The following KCNC2 variants were observed in gnomAD, a reference collection of about 807,000 sequenced individuals.
KCNC2 encodes the protein potassium voltage-gated channel subfamily C member 2.
In KCNC2, 21 loss-of-function variants were observed where a neutral mutation model predicts 44.5. The ratio of observed to expected loss-of-function variants is 0.47; its 90% confidence interval spans 0.33 to 0.68. KCNC2 has a LOEUF of 0.68. KCNC2 is among the 30% of genes least tolerant of loss of function. KCNC2 has a pLI of 0.01. For synonymous variants in KCNC2, 391 were observed against 339.1 expected (o/e 1.15, Z -1.68); for missense variants, 589 against 826.2 (o/e 0.71, Z 3.52).
intron 2 of KCNC2, among the ~76,000 whole-genome samples, chr12:75,196,155 T>A (rs183483444): frequency 1.5e-4 from 23 of 152,272 alleles, no homozygotes; most frequent in African/African-American, 5.1e-4. Flanking sequence ...TGCACTATCA[T>A]CATCCTTTGG....
At chr12:75,050,176 T>G (rs1187618919) in intron 3 of KCNC2, among the ~76,000 whole-genome samples, 1 of 151,738 alleles carries the variant, frequency 6.6e-6, no homozygotes, top group African/African-American at 2.4e-5. Context: ...GCAGGAAAAC[T>G]CTATAGACCA....
At chr12:75,160,133 G>T (rs74652569) in intron 2 of KCNC2, among the ~76,000 whole-genome samples, 3 of 151,736 alleles carry the variant, frequency 2.0e-5, no homozygotes, top group African/African-American at 7.3e-5. Context: ...AGGTAATTAA[G>T]TTCAAACAGA....
chr12:75,161,674 C>G (rs1015833576), intron 2 of KCNC2, among the ~76,000 whole-genome samples: 1 of 151,678 alleles, frequency 6.6e-6, no homozygotes, highest in African/African-American at 2.4e-5. Context: ...TTGGCCACTG[C>G]CCATTTATAG....
At chr12:75,121,034 A>G (rs1284892349) in intron 2 of KCNC2, among the ~76,000 whole-genome samples, 3 of 152,160 alleles carry the variant, frequency 2.0e-5, no homozygotes, top group African/African-American at 4.8e-5. Context: ...CTCTCTCTGG[A>G]CCACGGTATC....
chr12:75,153,908 G>T (rs540897239), intron 2 of KCNC2, among the ~76,000 whole-genome samples: 25 of 151,990 alleles, frequency 1.6e-4, no homozygotes, highest in African/African-American at 6.0e-4. Context: ...GGTTGGTCTT[G>T]TCTCAGGGAT....
At chr12:75,043,844 GA>G (rs1880190942) in intron 4 of KCNC2, 2 of 1,136,940 alleles carry the variant, frequency 1.8e-6, no homozygotes, top group South Asian at 3.2e-5. Flanking sequence ...GAAAAAAAAA[GA>G]AAATGAATGA....
intron 2 of KCNC2, among the ~76,000 whole-genome samples, chr12:75,107,024 G>T (rs1886839623): frequency 6.6e-6 from 1 of 151,924 alleles, no homozygotes; most frequent in Non-Finnish European, 1.5e-5. Context: ...TATCATGGGG[G>T]CTGGGCGTGG....
At chr12:75,112,263 A>G (rs1887315267) in intron 2 of KCNC2, among the ~76,000 whole-genome samples, 1 of 151,670 alleles carries the variant, frequency 6.6e-6, no homozygotes. Context: ...CAACTATTAA[A>G]TATAAAGAAA....
chr12:75,120,883 G>A (rs1420172635), intron 2 of KCNC2, among the ~76,000 whole-genome samples: 1 of 152,120 alleles, frequency 6.6e-6, no homozygotes, highest in Non-Finnish European at 1.5e-5. Context: ...TGAGAGCTCT[G>A]AGTATGAATC....
chr12:75,151,603 T>C (rs1276873671), intron 2 of KCNC2, among the ~76,000 whole-genome samples: 2 of 151,790 alleles, frequency 1.3e-5, no homozygotes, highest in Non-Finnish European at 2.9e-5. Flanking sequence ...GTGATTGGCA[T>C]GTAAGTGTGT....
Position 75,086,660 on chromosome 12 carries a change from C to CAAA in KCNC2, c.688-35346_688-35344dup, listed in dbSNP as rs751242858. 7.7e-5 allele frequency among the ~76,000 whole-genome samples: 9 copies of CAAA among 116,992 alleles called. No individual in the cohort carries two copies. In the East Asian group the frequency reaches 1.5e-3, roughly 20 times the overall value. 76.8% of individuals were successfully genotyped at this position (116,992 alleles called of 152,430 possible). ...TCCCATAAAAAGCAAGTTCATTTGG[C>CAAA]AAAAAAAAAAAAAAAAAAAAAATAT... On this transcript the variant is annotated intron_variant, in intron 2 of 4. Coordinates refer to ENST00000549446, the MANE Select transcript of KCNC2 (RefSeq NM_139137.4).
chr12:75,162,734 T>C (rs1161590768), intron 2 of KCNC2, among the ~76,000 whole-genome samples: 4 of 151,726 alleles, frequency 2.6e-5, no homozygotes, highest in Non-Finnish European at 5.9e-5. Context: ...CAAAAAAACC[T>C]CTATTTTTCC....
At chr12:75,191,067 G>C (rs1593065337) in intron 2 of KCNC2, among the ~76,000 whole-genome samples, 1 of 152,070 alleles carries the variant, frequency 6.6e-6, no homozygotes, top group Non-Finnish European at 1.5e-5. Flanking sequence ...ACTAATTAAA[G>C]TGTAATGGAC....
At chr12:75,108,961 A>C (rs1043516268) in intron 2 of KCNC2, among the ~76,000 whole-genome samples, 5 of 152,210 alleles carry the variant, frequency 3.3e-5, no homozygotes, top group African/African-American at 1.2e-4. Flanking sequence ...GCTCAGGGTA[A>C]GTTGAAAAGT....
chr12:75,111,300 A>C (rs1284332742), intron 2 of KCNC2, among the ~76,000 whole-genome samples: 3 of 152,112 alleles, frequency 2.0e-5, no homozygotes, highest in Non-Finnish European at 4.4e-5. Context: ...TTTTGATTTC[A>C]GACATTAAGT....
chr12:75,137,307 A>C (rs1177777503), intron 2 of KCNC2, among the ~76,000 whole-genome samples: 1 of 152,110 alleles, frequency 6.6e-6, no homozygotes, highest in Non-Finnish European at 1.5e-5. Context: ...CATATAATTT[A>C]CTGGTTTTAA....
At position 75,114,856 on chromosome 12, in the gene KCNC2, C is replaced by CTTT. The variant is rs754820554; in HGVS notation, c.688-63542_688-63540dup. Among the ~76,000 whole-genome samples the CTTT allele has an allele frequency of 8.1e-5, 7 of 86,560 alleles. 1 individual carries two copies. The highest frequency in any genetic ancestry group is 4.6e-4 in the South Asian group (1 of 2,192). The allele number at this position is 86,560 out of a possible 152,430, so 56.8% of individuals were successfully genotyped here. ...AGCTCCAGTCAACATTCAACTTCTA[C>CTTT]TTTTTTTTTTTTTTTTTTTTTTTTT... is the stretch of plus-strand genomic sequence containing the variant. On this transcript the variant is annotated intron_variant, in intron 2 of 4. Coordinates refer to ENST00000549446, the MANE Select transcript of KCNC2 (RefSeq NM_139137.4).
intron 2 of KCNC2, among the ~76,000 whole-genome samples, chr12:75,167,286 TC>T (rs1239938131): frequency 1.3e-5 from 2 of 151,340 alleles, no homozygotes; most frequent in African/African-American, 4.8e-5. Flanking sequence ...TTGGTTTCTA[TC>T]TAATGACAAG....
At chr12:75,074,902 C>A (rs1313574265) in intron 2 of KCNC2, among the ~76,000 whole-genome samples, 1 of 152,100 alleles carries the variant, frequency 6.6e-6, no homozygotes, top group Non-Finnish European at 1.5e-5. Flanking sequence ...AGAGGCTTAT[C>A]TAACTAAACG....
Sources: allele counts gnomAD v4.1 joint callset (sites outside exome capture counted in the v4.1 genomes callset), GRCh38; gene constraint gnomAD v4.1.1; transcripts MANE v1.5; gene names NCBI Gene and HGNC (gene_info 2026-07-23, HGNC 2026-07-21).